Variants in CASQ1 observed in about 807,000 individuals in gnomAD.
CASQ1 encodes the protein calsequestrin-1.
In CASQ1, 40 loss-of-function variants were observed where a neutral mutation model predicts 49.5. The observed-to-expected ratio is 0.81, with a 90% CI of 0.63 to 1.05. The LOEUF is 1.05. Among genes scored for constraint, CASQ1 ranks in the 50% least tolerant of loss-of-function variants. CASQ1 has a pLI of 0.00. For synonymous variants in CASQ1, 174 were observed against 187.2 expected (o/e 0.93, Z 0.58); for missense variants, 469 against 486.9 (o/e 0.96, Z 0.35).
chr1:160,198,212 A>T (rs1654288325), intron 7 of CASQ1: 1 of 160,486 alleles, frequency 6.2e-6, no homozygotes, highest in South Asian at 1.7e-4. Context: ...TCACCATCAC[A>T]AGAATATATA....
chr1:160,199,629 A>G (rs1279842462), intron 9 of CASQ1, among the ~76,000 whole-genome samples: 1 of 152,152 alleles, frequency 6.6e-6, no homozygotes. Flanking sequence ...AAGAGGGGCC[A>G]GTGCACCCAG....
chr1:160,199,180 C>T (rs1273969060), intron 9 of CASQ1, 127 bp downstream of exon 9: 15 of 686,760 alleles, frequency 2.2e-5, no homozygotes, highest in East Asian at 5.1e-5. Context: ...GGAGGGTATG[C>T]GTGTTGCATG....
intron 3 of CASQ1, among the ~76,000 whole-genome samples, chr1:160,194,435 C>T (rs1654159957): frequency 7.1e-5 from 2 of 28,326 alleles, no homozygotes; most frequent in South Asian, 6.9e-3. Flanking sequence ...ATGCACACCA[C>T]ACACACAACA....
chr1:160,190,976 C>T lies in CASQ1; in HGVS notation c.225C>T (p.Pro75=), dbSNP rs374653743. The change falls in exon 1 of 11, where the codon CCC becomes CCT. Residue 75 remains proline (P), a synonymous_variant. Transcript: ENST00000368078. The part of the protein sequence containing the change: ...EVLALLYHEP[P]EDDKASQRQF... ...TGGCACTCCTCTACCATGAACCCCC[C>T]GAGGATGACAAGGCCTCACAAAGAC... 2.2e-5 allele frequency: 36 copies of T among 1,614,010 alleles called. No individual in the cohort carries two copies. In the African/African-American group the frequency reaches 3.2e-4, roughly 14 times the overall value.
At chr1:160,194,307 A>G (rs1654154679) in intron 3 of CASQ1, among the ~76,000 whole-genome samples, 1 of 146,382 alleles carries the variant, frequency 6.8e-6, no homozygotes, top group Admixed American at 6.8e-5. Flanking sequence ...TGCACACACC[A>G]CACACGCCAC....
In CASQ1 at chr1:160,195,542, T is replaced by C. The variant is rs1557814975; in HGVS notation, c.651+8T>C. On this transcript the variant is annotated splice_region_variant and intron_variant, in intron 5 of 10. Transcript: ENST00000368078. Reference sequence around the variant, plus strand: ...GCCACCTTCGACAGCAAGGTTCTCCTCCCCGCAGCTGTATTGGTTCTGCCT... The same window carrying C: ...GCCACCTTCGACAGCAAGGTTCTCCCCCCCGCAGCTGTATTGGTTCTGCCT... The C allele has an allele frequency of 1.2e-6, 2 of 1,611,708 alleles. No homozygotes were observed. The highest frequency in any genetic ancestry group is 1.1e-5 in the South Asian group (1 of 91,022).
chr1:160,198,618 T>G (rs1412886622), intron 7 of CASQ1, 59 bp from the exon 8 acceptor site: 7 of 1,322,150 alleles, frequency 5.3e-6, no homozygotes, highest in Non-Finnish European at 7.6e-6. Context: ...GCTCCTCAAC[T>G]TCAGGGAGTA....
chr1:160,199,015 C>G lies in CASQ1; in HGVS notation c.946C>G (p.Leu316Val). Reference sequence around the variant, plus strand: ...CCAAGATAACACTGAAAACCCAGATCTTAGCATCATCTGGATTGACCCTGA... The same window carrying G: ...CCAAGATAACACTGAAAACCCAGATGTTAGCATCATCTGGATTGACCCTGA... ...VAQDNTENPD[L>V]SIIWIDPDDF... Residue 316 changes from leucine to valine, a missense_variant, in exon 9 of 11, where the codon CTT becomes GTT. Leu to Val is a conservative substitution (Grantham distance 32). Coordinates refer to ENST00000368078, the MANE Select transcript of CASQ1 (RefSeq NM_001231.5). The G allele has an allele frequency of 6.2e-7, 1 of 1,612,840 alleles. No homozygotes were observed. The highest frequency in any genetic ancestry group is 8.5e-7 in the Non-Finnish European group (1 of 1,178,774).
intron 5 of CASQ1, 103 bp downstream of exon 5, chr1:160,195,637 TG>T (rs1258058703): frequency 3.0e-6 from 3 of 1,004,172 alleles, no homozygotes; most frequent in African/African-American, 1.6e-5. Context: ...TCCTACGTGC[TG>T]GCACTCCCTA....
chr1:160,191,333 G>A (rs940733055), intron 1 of CASQ1, among the ~76,000 whole-genome samples: 1 of 152,066 alleles, frequency 6.6e-6, no homozygotes, highest in African/African-American at 2.4e-5. Flanking sequence ...GGACACTGAG[G>A]GTGAAAAAGG....
Position 160,190,742 on chromosome 1 carries a change from C to A in CASQ1, c.-10C>A, listed in dbSNP as rs1571045836. On this transcript the variant is annotated 5_prime_UTR_variant, in exon 1 of 11. Coordinates refer to ENST00000368078, the MANE Select transcript of CASQ1 (RefSeq NM_001231.5). The stretch of plus-strand genomic sequence containing the variant: ...GGACCAGGAGAGCCAACCCAGATCC[C>A]ACTACCTCCATGAGTGCTACAGACA... 6.2e-7 allele frequency: 1 copy of A among 1,610,886 alleles called. No individual in the cohort carries two copies. The highest frequency in any genetic ancestry group is 8.5e-7 in the Non-Finnish European group (1 of 1,177,528).
intron 3 of CASQ1, among the ~76,000 whole-genome samples, chr1:160,194,504 C>G (rs1401429985): frequency 1.4e-5 from 2 of 148,070 alleles, no homozygotes; most frequent in African/African-American, 5.0e-5. Flanking sequence ...CACACACCCA[C>G]CAGATATATC....
intron 6 of CASQ1, among the ~76,000 whole-genome samples, chr1:160,197,071 A>G (rs992654078): frequency 1.3e-5 from 2 of 152,184 alleles, no homozygotes; most frequent in Admixed American, 1.3e-4. Context: ...CCTTCATAGT[A>G]GTCCACAGCT....
chr1:160,201,577 C>A lies in CASQ1; in HGVS notation c.*201C>A. On this transcript the variant is annotated 3_prime_UTR_variant, in exon 11 of 11. Coordinates refer to ENST00000368078, the MANE Select transcript of CASQ1 (RefSeq NM_001231.5). ...TACTTTTCCCTAGACACCAGGCCAG[C>A]TCTCTCTTATCTGACTTCTGTTTCT... 1 of 601,038 alleles carries A rather than the reference C, an allele frequency of 1.7e-6. No individual in the cohort carries two copies. The highest frequency in any genetic ancestry group is 3.0e-6 in the Non-Finnish European group (1 of 337,224). 37.2% of individuals were successfully genotyped at this position (601,038 alleles called of 1,614,324 possible). A position where few individuals can be genotyped will look rare whatever the true frequency, so the allele number is the denominator to read the frequency against.
chr1:160,198,697 CCA>C lies in CASQ1; in HGVS notation c.852_853del (p.Ile285CysfsTer8). 1 of 1,613,786 alleles carries C rather than the reference CCA, an allele frequency of 6.2e-7. No homozygotes were observed. The highest frequency in any genetic ancestry group is 8.5e-7 in the Non-Finnish European group (1 of 1,179,724). On this transcript the variant is annotated frameshift_variant, in exon 8 of 11. Coordinates refer to ENST00000368078, the MANE Select transcript of CASQ1 (RefSeq NM_001231.5). LOFTEE classifies it high-confidence loss of function. Reference sequence around the variant, plus strand: ...GACAGGAGGATGATATGGATGGAATCCACATTGTGGCCTTCGCAGAGGAAGCT... The same window carrying C: ...GACAGGAGGATGATATGGATGGAATCCATTGTGGCCTTCGCAGAGGAAGCT... ...ETWEDDMDGI[H>X]IVAFAEEADP...
chr1:160,190,732 A>C lies in CASQ1; in HGVS notation c.-20A>C, dbSNP rs760234491. On this transcript the variant is annotated 5_prime_UTR_variant, in exon 1 of 11. Transcript: ENST00000368078. ...AACCTCTTCTGGACCAGGAGAGCCA[A>C]CCCAGATCCCACTACCTCCATGAGT... The C allele has an allele frequency of 1.2e-6, 2 of 1,608,764 alleles. No individual in the cohort carries two copies. Among genetic ancestry groups the C allele is most frequent in the Non-Finnish European group, 1.7e-6 (2 of 1,176,000 alleles).
intron 6 of CASQ1, among the ~76,000 whole-genome samples, chr1:160,196,903 G>A (rs572261907): frequency 4.1e-4 from 63 of 152,304 alleles, no homozygotes; most frequent in African/African-American, 1.5e-3. Context: ...TTTTGGTTGT[G>A]CAGAGTGCTA....
Position 160,201,427 on chromosome 1 carries a change from T to C in CASQ1, c.*51T>C. ...CCACTGGTCTTTTCATGCTCTCTCC[T>C]GCCTTCCCTTGTCCTTCCCTGAGTT... On this transcript the variant is annotated 3_prime_UTR_variant, in exon 11 of 11. Transcript: ENST00000368078. 1 of 1,598,088 alleles carries C rather than the reference T, an allele frequency of 6.3e-7. No individual in the cohort carries two copies. The highest frequency in any genetic ancestry group is 8.6e-7 in the Non-Finnish European group (1 of 1,169,084).
chr1:160,193,787 T>TG lies in CASQ1; in HGVS notation c.406dup (p.Glu136GlyfsTer4). 6.2e-7 allele frequency: 1 copy of TG among 1,612,912 alleles called. No homozygotes were observed. Among genetic ancestry groups the TG allele is most frequent in the Non-Finnish European group, 8.5e-7 (1 of 1,179,244 alleles). ...ACAGCATGTATGTATTCAAGGGAGA[T>TG]GAAGTCATTGAGTACGATGGCGAGT... On this transcript the variant is annotated frameshift_variant, in exon 3 of 11. Transcript: ENST00000368078. LOFTEE classifies it high-confidence loss of function.
Sources: allele counts gnomAD v4.1 joint callset (sites outside exome capture counted in the v4.1 genomes callset), GRCh38; gene constraint gnomAD v4.1.1; transcripts MANE v1.5; gene names NCBI Gene and HGNC (gene_info 2026-07-23, HGNC 2026-07-21).